The following SORCS2 variants were observed in gnomAD, a reference collection of about 807,000 sequenced individuals.
The protein encoded by SORCS2 is sortilin related VPS10 domain containing receptor 2.
In SORCS2, 100 loss-of-function variants were observed where a neutral mutation model predicts 141.6. That is an observed-to-expected ratio of 0.71 (90% CI 0.60 to 0.83). The LOEUF is 0.83. SORCS2 is among the 40% of genes least tolerant of loss of function. SORCS2 has a pLI of 0.00. For synonymous variants in SORCS2, 789 were observed against 676.9 expected (o/e 1.17, Z -2.57); for missense variants, 1,646 against 1,560.2 (o/e 1.05, Z -0.93).
chr4:7,299,643 T>C (rs1469632061), intron 1 of SORCS2, among the ~76,000 whole-genome samples: 3 of 152,226 alleles, frequency 2.0e-5, no homozygotes, highest in African/African-American at 7.2e-5. Flanking sequence ...GTCTCATCCC[T>C]GAAAGGCTGT....
At chr4:7,725,417 C>G in intron 20 of SORCS2, 130 bp downstream of exon 20, 1 of 1,336,098 alleles carries the variant, frequency 7.5e-7, no homozygotes, top group South Asian at 1.6e-5. Context: ...ACCCTTGGGC[C>G]CCTCCTGGGG....
In SORCS2 at chr4:7,310,775, C is replaced by A. The variant is rs142634237; in HGVS notation, c.481-85513C>A. Among the ~76,000 whole-genome samples, 471 of 152,328 alleles carry A rather than the reference C, an allele frequency of 3.1e-3. 4 individuals carry two copies. The highest frequency in any genetic ancestry group is 0.011 in the African/African-American group (451 of 41,568). ...CTAGGCTGCGAAGATAGAATTGTATCAGCAAATCTTGGCCAATCTGCAAAG... is the reference window on the plus strand; with the variant it reads ...CTAGGCTGCGAAGATAGAATTGTATAAGCAAATCTTGGCCAATCTGCAAAG... On this transcript the variant is annotated intron_variant, in intron 1 of 26. Transcript: ENST00000507866.
rs553503707 is a variant in SORCS2 at position 7,590,830 on chromosome 4, G to A, written c.649-47498G>A. On this transcript the variant is annotated intron_variant, in intron 3 of 26. Coordinates refer to ENST00000507866, the MANE Select transcript of SORCS2 (RefSeq NM_020777.3). ...AGACTTCTGGCCTCCAGAATTGTAA[G>A]AGGACAAATGTGTCTTGTGTTAGAC... is the stretch of plus-strand genomic sequence containing the variant. 3.0e-3 allele frequency among the ~76,000 whole-genome samples: 455 copies of A among 152,340 alleles called. 3 individuals are homozygous for A. Among genetic ancestry groups the A allele is most frequent in the African/African-American group, 0.011 (439 of 41,574 alleles).
chr4:7,327,462 T>C (rs1405831804), intron 1 of SORCS2, among the ~76,000 whole-genome samples: 1 of 152,214 alleles, frequency 6.6e-6, no homozygotes, highest in Non-Finnish European at 1.5e-5. Context: ...TTTATGTGGT[T>C]ACATCTGCAA....
intron 1 of SORCS2, among the ~76,000 whole-genome samples, chr4:7,247,778 A>T (rs1553816549): frequency 6.6e-6 from 1 of 152,144 alleles, no homozygotes; most frequent in Non-Finnish European, 1.5e-5. Context: ...TGAACTGGGG[A>T]TGCAGGTGAT....
intron 2 of SORCS2, among the ~76,000 whole-genome samples, chr4:7,411,233 C>T (rs1725286164): frequency 6.6e-6 from 1 of 151,964 alleles, no homozygotes; most frequent in Non-Finnish European, 1.5e-5. Flanking sequence ...GGATTGCAGG[C>T]ATGAGCCACT....
chr4:7,358,287 A>G (rs921268533), intron 1 of SORCS2, among the ~76,000 whole-genome samples: 4 of 152,232 alleles, frequency 2.6e-5, no homozygotes, highest in Non-Finnish European at 5.9e-5. Context: ...ACTTGCTTAC[A>G]TGATCACCGA....
At chr4:7,389,517 G>C (rs925593686) in intron 1 of SORCS2, among the ~76,000 whole-genome samples, 1 of 152,170 alleles carries the variant, frequency 6.6e-6, no homozygotes, top group Non-Finnish European at 1.5e-5. Context: ...GTGGGTCTTG[G>C]CTTTTCTGAG....
At chr4:7,255,047 G>A in intron 1 of SORCS2, among the ~76,000 whole-genome samples, 1 of 152,088 alleles carries the variant, frequency 6.6e-6, no homozygotes, top group Non-Finnish European at 1.5e-5. Flanking sequence ...GTGTGAGAGT[G>A]AGTGTGTGAG....
intron 1 of SORCS2, among the ~76,000 whole-genome samples, chr4:7,375,747 A>G (rs1722597006): frequency 6.6e-6 from 1 of 152,232 alleles, no homozygotes; most frequent in South Asian, 2.1e-4. Context: ...AGCCTATTAG[A>G]AGTGACTGTG....
intron 2 of SORCS2, among the ~76,000 whole-genome samples, chr4:7,502,337 C>G (rs1732023447): frequency 6.6e-6 from 1 of 152,224 alleles, no homozygotes; most frequent in Non-Finnish European, 1.5e-5. Context: ...GAAGAGGATT[C>G]TGTGGTCATG....
At chr4:7,381,682 T>G (rs2109070515) in intron 1 of SORCS2, among the ~76,000 whole-genome samples, 1 of 152,270 alleles carries the variant, frequency 6.6e-6, no homozygotes, top group East Asian at 1.9e-4. Flanking sequence ...AGCAGGCTCT[T>G]CTAATCCCAA....
rs4513570 is a variant in SORCS2 at position 7,579,520 on chromosome 4, C to G, written c.648+47891C>G. Among the ~76,000 whole-genome samples, 64 of 152,302 alleles carry G rather than the reference C, an allele frequency of 4.2e-4. 1 individual carries two copies. Among genetic ancestry groups the G allele is most frequent in the African/African-American group, 1.5e-3 (63 of 41,578 alleles). ...AAGTGGAGGAGCCAGGACTGGAACC[C>G]TCCCCTTGGTCCTCCGACCTCCTTT... On this transcript the variant is annotated intron_variant, in intron 3 of 26. Coordinates refer to ENST00000507866, the MANE Select transcript of SORCS2 (RefSeq NM_020777.3).
intron 2 of SORCS2, among the ~76,000 whole-genome samples, chr4:7,470,572 G>C (rs556791866): frequency 6.6e-6 from 1 of 152,368 alleles, no homozygotes; most frequent in East Asian, 1.9e-4. Context: ...AGGAGAACCC[G>C]GTAGCTGCTG....
At chr4:7,632,001 CA>C (rs1477720807) in intron 3 of SORCS2, among the ~76,000 whole-genome samples, 1 of 152,196 alleles carries the variant, frequency 6.6e-6, no homozygotes, top group Non-Finnish European at 1.5e-5. Flanking sequence ...ACACAGACAT[CA>C]GGGGAGAAAA....
chr4:7,416,833 CACAA>C (rs974273743), intron 2 of SORCS2, among the ~76,000 whole-genome samples: 11 of 152,256 alleles, frequency 7.2e-5, no homozygotes, highest in African/African-American at 2.2e-4. Flanking sequence ...TGTGAACACA[CACAA>C]ACATGCATGC....
At chr4:7,507,942 C>T (rs1732375777) in intron 2 of SORCS2, among the ~76,000 whole-genome samples, 1 of 151,928 alleles carries the variant, frequency 6.6e-6, no homozygotes, top group South Asian at 2.1e-4. Flanking sequence ...TCATAGCTGC[C>T]AAAAGAAAAT....
intron 3 of SORCS2, among the ~76,000 whole-genome samples, chr4:7,637,576 C>T (rs1407044706): frequency 6.6e-6 from 1 of 152,230 alleles, no homozygotes; most frequent in East Asian, 1.9e-4. Context: ...CAGTGCCCCG[C>T]ACTCCATGAA....
Position 7,543,368 on chromosome 4 carries a change from C to T in SORCS2, c.648+11739C>T, listed in dbSNP as rs184524520. On this transcript the variant is annotated intron_variant, in intron 3 of 26. Coordinates refer to ENST00000507866, the MANE Select transcript of SORCS2 (RefSeq NM_020777.3). Reference sequence around the variant, plus strand: ...TTATCCATCCTCCCACCCACCTATCCGTTGATTCATACATCCACCCACCCA... The same window carrying T: ...TTATCCATCCTCCCACCCACCTATCTGTTGATTCATACATCCACCCACCCA... Among the ~76,000 whole-genome samples, 137 of 152,176 alleles carry T rather than the reference C, an allele frequency of 9.0e-4. 1 individual carries two copies. The highest frequency in any genetic ancestry group is 2.9e-3 in the African/African-American group (121 of 41,492).
Sources: allele counts gnomAD v4.1 joint callset (sites outside exome capture counted in the v4.1 genomes callset), GRCh38; gene constraint gnomAD v4.1.1; transcripts MANE v1.5; gene names NCBI Gene and HGNC (gene_info 2026-07-23, HGNC 2026-07-21).